Variants in SLC12A6 observed in about 807,000 individuals in gnomAD.
The protein encoded by SLC12A6 is K-Cl cotransporter 3.
A neutral mutation model predicts 135.3 loss-of-function variants in SLC12A6; 66 were observed. The ratio of observed to expected loss-of-function variants is 0.49; its 90% CI spans 0.40 to 0.60. The LOEUF is 0.60. Ranked by LOEUF, SLC12A6 falls within the 20% of genes least tolerant of loss-of-function variation. The pLI is 0.00. For synonymous variants in SLC12A6, 513 were observed against 508.8 expected (o/e 1.01, Z -0.11); for missense variants, 1,058 against 1,452.3 (o/e 0.73, Z 4.41).
At chr15:34,242,042 C>G in intron 17 of SLC12A6, 60 bp downstream of exon 17, 2 of 1,382,522 alleles carry the variant, frequency 1.4e-6, no homozygotes, top group Non-Finnish European at 2.1e-6. Flanking sequence ...TGAGCTGGCT[C>G]TAACCAAACT....
At chr15:34,234,951 C>T (rs1891156093) in intron 25 of SLC12A6, among the ~76,000 whole-genome samples, 1 of 152,216 alleles carries the variant, frequency 6.6e-6, no homozygotes, top group African/African-American at 2.4e-5. Context: ...TATTAGATGT[C>T]ATGTTGCAAA....
intron 6 of SLC12A6, chr15:34,257,430 T>C: frequency 1.9e-6 from 1 of 531,886 alleles, no homozygotes; most frequent in Non-Finnish European, 3.4e-6. Context: ...CTTTGTAATT[T>C]CTAGTACATC....
chr15:34,308,453 T>C (rs548893239), intron 2 of SLC12A6, among the ~76,000 whole-genome samples: 1 of 151,876 alleles, frequency 6.6e-6, no homozygotes, highest in African/African-American at 2.4e-5. Flanking sequence ...GGTGAAACCC[T>C]GTCTCTACTA....
At chr15:34,242,956 G>A (rs1891746446) in intron 16 of SLC12A6, among the ~76,000 whole-genome samples, 1 of 152,128 alleles carries the variant, frequency 6.6e-6, no homozygotes, top group Admixed American at 6.5e-5. Flanking sequence ...TGTGAACCTG[G>A]GATCTCAGCT....
chr15:34,292,356 T>C (rs1213918048), intron 2 of SLC12A6, among the ~76,000 whole-genome samples: 1 of 152,206 alleles, frequency 6.6e-6, no homozygotes, highest in Non-Finnish European at 1.5e-5. Flanking sequence ...ATCCTTCCTC[T>C]GGAAGCTTCG....
Position 34,248,776 on chromosome 15 carries a change from A to G in SLC12A6, c.1649+1522T>C, listed in dbSNP as rs142199325. Among the ~76,000 whole-genome samples the G allele has an allele frequency of 1.7e-3, 261 of 152,292 alleles. 1 individual carries two copies. The highest frequency in any genetic ancestry group is 0.014 in the Middle Eastern group (4 of 292). The stretch of plus-strand genomic sequence containing the variant: ...TAGTATATTCAAATGGAGTTGCTGA[A>G]CACAAGGTGGAGTGTTTACCTCTGT... On this transcript the variant is annotated intron_variant, in intron 13 of 25. Transcript: ENST00000354181.
chr15:34,289,277 T>TG (rs1200499008), intron 2 of SLC12A6, among the ~76,000 whole-genome samples: 1 of 152,208 alleles, frequency 6.6e-6, no homozygotes, highest in Admixed American at 6.5e-5. Context: ...GTTTATATGT[T>TG]GGATTACGTT....
Position 34,230,059 on chromosome 15 carries a change from A to G in SLC12A6, c.*3822T>C, listed in dbSNP as rs371851468. The G allele has an allele frequency of 1.8e-5, 8 of 438,182 alleles. No individual in the cohort carries two copies. The highest frequency in any genetic ancestry group is 9.4e-5 in the South Asian group (2 of 21,320). The allele number at this position is 438,182 out of a possible 1,614,324, so 27.1% of individuals were successfully genotyped here. ...CAGAGCAAAACAACAACAAAAAAAC[A>G]TAACTATGTAAACAAGAGAATAACT... On this transcript the variant is annotated 3_prime_UTR_variant, in exon 26 of 26. Coordinates refer to ENST00000354181, the MANE Select transcript of SLC12A6 (RefSeq NM_001365088.1).
rs564536184 is a variant in SLC12A6 at position 34,250,687 on chromosome 15, G to T, written c.1535C>A (p.Ala512Asp). 1.2e-6 allele frequency: 2 copies of T among 1,607,450 alleles called. No homozygotes were observed. Among genetic ancestry groups the T allele is most frequent in the Admixed American group, 1.7e-5 (1 of 60,010 alleles). ...AGTACCAATCGGAATAGACTTCTGA[G>T]CATCTTTCAGATCTCCAGATCTGTT... is the stretch of plus-strand genomic sequence containing the variant. Reference protein sequence around the residue: ...GSNRSGDLKDAQKSIPIGTIL... With the variant: ...GSNRSGDLKDDQKSIPIGTIL... Residue 512 changes from alanine (A) to aspartate (D), a missense_variant, in exon 12 of 26, where the codon GCT becomes GAT. Physicochemically the swap from Ala to Asp is moderately radical, Grantham distance 126 (BLOSUM62 -2). Coordinates refer to ENST00000354181, the MANE Select transcript of SLC12A6 (RefSeq NM_001365088.1).
Position 34,246,122 on chromosome 15 carries a change from G to A in SLC12A6, c.1650-255C>T, listed in dbSNP as rs1891972714. 2.0e-5 allele frequency among the ~76,000 whole-genome samples: 3 copies of A among 152,054 alleles called. No homozygotes were observed. In the South Asian group the frequency reaches 6.2e-4, roughly 31 times the overall value. On this transcript the variant is annotated intron_variant, in intron 13 of 25. Coordinates refer to ENST00000354181, the MANE Select transcript of SLC12A6 (RefSeq NM_001365088.1). ...TAATTTTTGTATTTTGAGTAAAGATGGGGTTTCACCATGTTGCCCAGGCTG... is the reference window on the plus strand; with the variant it reads ...TAATTTTTGTATTTTGAGTAAAGATAGGGTTTCACCATGTTGCCCAGGCTG...
intron 2 of SLC12A6, among the ~76,000 whole-genome samples, chr15:34,287,984 T>A (rs966234214): frequency 2.0e-5 from 3 of 152,198 alleles, no homozygotes; most frequent in Non-Finnish European, 4.4e-5. Context: ...TTAGTTTAAT[T>A]AGATCCCATT....
chr15:34,285,805 C>A (rs1595499541), intron 2 of SLC12A6, among the ~76,000 whole-genome samples: 2 of 149,842 alleles, frequency 1.3e-5, no homozygotes, highest in Non-Finnish European at 3.0e-5. Context: ...GACAGCAATA[C>A]ACTAAATCAA....
chr15:34,305,481 T>G (rs2141035353), intron 2 of SLC12A6, among the ~76,000 whole-genome samples: 1 of 152,048 alleles, frequency 6.6e-6, no homozygotes, highest in East Asian at 1.9e-4. Flanking sequence ...CATTCATTCC[T>G]TTATTCAATA....
chr15:34,305,363 C>G (rs1378243290), intron 2 of SLC12A6, among the ~76,000 whole-genome samples: 1 of 151,648 alleles, frequency 6.6e-6, no homozygotes, highest in Non-Finnish European at 1.5e-5. Context: ...CTGAATCGAT[C>G]CAATAGGTCT....
At chr15:34,254,237 AG>A in intron 9 of SLC12A6, 110 bp downstream of exon 9, 1 of 1,153,836 alleles carries the variant, frequency 8.7e-7, no homozygotes, top group Non-Finnish European at 1.3e-6. Context: ...CTTATCTGAG[AG>A]GGAAAATCTC....
At chr15:34,265,023 T>C (rs957461269) in intron 3 of SLC12A6, among the ~76,000 whole-genome samples, 30 of 152,036 alleles carry the variant, frequency 2.0e-4, no homozygotes, top group Admixed American at 3.3e-4. Flanking sequence ...GGTGAAACCC[T>C]GTCTCTACTA....
rs978192828 is a variant in SLC12A6 at position 34,233,594 on chromosome 15, T to C, written c.*287A>G. On this transcript the variant is annotated 3_prime_UTR_variant, in exon 26 of 26. Coordinates refer to ENST00000354181, the MANE Select transcript of SLC12A6 (RefSeq NM_001365088.1). ...AGCATCCCTTTTACCAATTCATTTA[T>C]TGGCTCAGCTTGTTAATTCTAATTT... The C allele has an allele frequency of 8.4e-6, 3 of 358,462 alleles. No individual in the cohort carries two copies. Among genetic ancestry groups the C allele is most frequent in the South Asian group, 3.2e-5 (1 of 30,976 alleles). The allele number at this position is 358,462 out of a possible 1,614,324, so 22.2% of individuals were successfully genotyped here.
chr15:34,298,287 C>T (rs1178281816), intron 2 of SLC12A6, among the ~76,000 whole-genome samples: 7 of 151,858 alleles, frequency 4.6e-5, no homozygotes, highest in Non-Finnish European at 8.8e-5. Context: ...CCAGCCTGGC[C>T]AAGATGGTGA....
intron 2 of SLC12A6, among the ~76,000 whole-genome samples, chr15:34,300,180 GACA>G (rs1375577061): frequency 1.3e-5 from 2 of 152,114 alleles, no homozygotes; most frequent in Admixed American, 6.5e-5. Context: ...AATATTGAAC[GACA>G]ACAAGGAAGG....
Sources: allele counts gnomAD v4.1 joint callset (sites outside exome capture counted in the v4.1 genomes callset), GRCh38; gene constraint gnomAD v4.1.1; transcripts MANE v1.5; gene names NCBI Gene and HGNC (gene_info 2026-07-23, HGNC 2026-07-21).